Variants in PIK3R1 observed in about 807,000 individuals in gnomAD.
The protein encoded by PIK3R1 is phosphatidylinositol 3-kinase regulatory subunit alpha.
A neutral mutation model predicts 98.0 loss-of-function variants in PIK3R1; 29 were observed. That is an observed-to-expected ratio of 0.30 (90% confidence interval 0.22 to 0.40). PIK3R1 has a LOEUF of 0.40. Ranked by LOEUF, PIK3R1 falls within the 10% of genes least tolerant of loss-of-function variation. PIK3R1 has a pLI of 1.00. For synonymous variants in PIK3R1, 282 were observed against 311.8 expected, an observed-to-expected ratio of 0.90 and a Z score of 1.01; for missense variants, 596 against 872.7, an observed-to-expected ratio of 0.68 and a Z score of 3.99.
At chr5:68,282,439 T>C (rs34305) in intron 7 of PIK3R1, among the ~76,000 whole-genome samples, 91,899 of 151,878 alleles carry the variant, frequency 0.61, 29,260 homozygotes, top group Non-Finnish European at 0.69. Context: ...ATCTTTTCAG[T>C]GGCCACTCCT....
chr5:68,290,913 T>G, intron 7 of PIK3R1: 1 of 875,956 alleles, frequency 1.1e-6, no homozygotes, highest in Non-Finnish European at 1.7e-6. Flanking sequence ...TAAAAGATCC[T>G]TTTTGGATTT....
chr5:68,276,789 CAT>C (rs902212685), intron 4 of PIK3R1, among the ~76,000 whole-genome samples: 4 of 152,312 alleles, frequency 2.6e-5, no homozygotes, highest in Middle Eastern at 3.4e-3. Context: ...TGATATACCT[CAT>C]GTGTTGGAAA....
At position 68,261,920 on chromosome 5, in the gene PIK3R1, G is replaced by C. The variant is rs151321282; in HGVS notation, c.335-11470G>C. Among the ~76,000 whole-genome samples, 410 of 152,246 alleles carry C rather than the reference G, an allele frequency of 2.7e-3. 2 individuals carry two copies. The highest frequency in any genetic ancestry group is 9.5e-3 in the African/African-American group (394 of 41,538). ...CCTTTCTGCTGAAGACAGAAATGGT[G>C]CAACAGAGGAGTGGAGCATAGGTTA... On this transcript the variant is annotated intron_variant, in intron 2 of 15. Coordinates refer to ENST00000521381, the MANE Select transcript of PIK3R1 (RefSeq NM_181523.3).
chr5:68,275,622 G>T (rs1054421975), intron 4 of PIK3R1, among the ~76,000 whole-genome samples: 9 of 151,878 alleles, frequency 5.9e-5, no homozygotes, highest in Non-Finnish European at 1.3e-4. Context: ...TCCCCAGTGA[G>T]ATCAAAACAC....
chr5:68,287,668 G>T (rs944287489), intron 7 of PIK3R1, among the ~76,000 whole-genome samples: 8 of 152,168 alleles, frequency 5.3e-5, no homozygotes, highest in African/African-American at 1.9e-4. Context: ...CGCTTAGAAA[G>T]GTATGCCCTT....
At chr5:68,256,794 A>C (rs1173103536) in intron 2 of PIK3R1, among the ~76,000 whole-genome samples, 2 of 152,154 alleles carry the variant, frequency 1.3e-5, no homozygotes, top group Non-Finnish European at 2.9e-5. Context: ...GAAAGAAAAA[A>C]CAAGTGCTCA....
chr5:68,245,718 AGCAAT>A (rs2112043380), intron 2 of PIK3R1, among the ~76,000 whole-genome samples: 1 of 152,370 alleles, frequency 6.6e-6, no homozygotes, highest in African/African-American at 2.4e-5. Context: ...TTTAGACTTA[AGCAAT>A]GCATTTAAAC....
At chr5:68,293,044 T>C (rs2112250287) in intron 8 of PIK3R1, 57 bp from the exon 9 acceptor site, 2 of 1,405,660 alleles carry the variant, frequency 1.4e-6, no homozygotes, top group South Asian at 2.4e-5. Context: ...TTTTAAAAAA[T>C]ATAAATCTGT....
At chr5:68,259,983 CAAT>C (rs1240575998) in intron 2 of PIK3R1, among the ~76,000 whole-genome samples, 2 of 152,080 alleles carry the variant, frequency 1.3e-5, no homozygotes, top group Admixed American at 6.6e-5. Context: ...TGTACAATGA[CAAT>C]GATGATAGAA....
intron 2 of PIK3R1, among the ~76,000 whole-genome samples, chr5:68,245,197 CATAAGT>C (rs972420569): frequency 1.3e-5 from 2 of 152,168 alleles, no homozygotes; most frequent in African/African-American, 4.8e-5. Flanking sequence ...ACTTGAACTA[CATAAGT>C]ATATCAGCAA....
chr5:68,253,854 A>G (rs1365426799), intron 2 of PIK3R1, among the ~76,000 whole-genome samples: 4 of 152,188 alleles, frequency 2.6e-5, no homozygotes, highest in Non-Finnish European at 5.9e-5. Flanking sequence ...TTCTCTCAGC[A>G]CTTGACTAAG....
At chr5:68,232,408 G>A (rs992530583) in intron 2 of PIK3R1, among the ~76,000 whole-genome samples, 1 of 152,158 alleles carries the variant, frequency 6.6e-6, no homozygotes, top group East Asian at 1.9e-4. Context: ...CTTTTTGCAG[G>A]AGGGTTCTTA....
At chr5:68,278,922 T>A (rs831124) in intron 4 of PIK3R1, among the ~76,000 whole-genome samples, 89,980 of 151,960 alleles carry the variant, frequency 0.59, 27,711 homozygotes, top group Non-Finnish European at 0.67. Context: ...CAGCCTTGGC[T>A]ACAGAGTGAG....
chr5:68,275,191 T>G (rs774308108), intron 4 of PIK3R1, among the ~76,000 whole-genome samples: 1 of 152,242 alleles, frequency 6.6e-6, no homozygotes, highest in Admixed American at 6.5e-5. Context: ...ATCAGTTGCA[T>G]GCGAACAGAG....
chr5:68,245,794 T>C (rs1745061149), intron 2 of PIK3R1, among the ~76,000 whole-genome samples: 1 of 152,228 alleles, frequency 6.6e-6, no homozygotes, highest in African/African-American at 2.4e-5. Context: ...CAAGGACCAA[T>C]TTAAACAGTT....
intron 2 of PIK3R1, among the ~76,000 whole-genome samples, chr5:68,263,097 GTATATAGATACATACATAGA>G (rs1745951085): frequency 7.7e-6 from 1 of 130,042 alleles, no homozygotes; most frequent in Non-Finnish European, 1.7e-5. Flanking sequence ...GTAGATACAT[GTATATAGATACATACATAGA>G]TATATAGATA....
chr5:68,281,075 T>A lies in PIK3R1; in HGVS notation c.916+69T>A, dbSNP rs1580245789. On this transcript the variant is annotated intron_variant, in intron 7 of 15. Transcript: ENST00000521381. ...TTAGAGCCTTAAAAAATGATGGCTATAAACCTCCTTTGAAGTAACACAGCT... is the reference window on the plus strand; with the variant it reads ...TTAGAGCCTTAAAAAATGATGGCTAAAAACCTCCTTTGAAGTAACACAGCT... The A allele has an allele frequency of 1.0e-5, 10 of 983,406 alleles. No individual in the cohort carries two copies. The East Asian group carries it at 2.4e-4, about 24-fold the overall frequency. 60.9% of individuals were successfully genotyped at this position (983,406 alleles called of 1,614,324 possible). A position where few individuals can be genotyped will look rare whatever the true frequency, so the allele number is the denominator to read the frequency against.
At chr5:68,248,363 T>C (rs1376447294) in intron 2 of PIK3R1, among the ~76,000 whole-genome samples, 1 of 152,244 alleles carries the variant, frequency 6.6e-6, no homozygotes. Flanking sequence ...TAGATTTAAA[T>C]ATAAAACACT....
chr5:68,222,269 C>T (rs1001830989), intron 1 of PIK3R1, among the ~76,000 whole-genome samples: 1 of 151,946 alleles, frequency 6.6e-6, no homozygotes, highest in Admixed American at 6.5e-5. Flanking sequence ...CAGGTATTAC[C>T]AAATACCTCA....
Sources: allele counts gnomAD v4.1 joint callset (sites outside exome capture counted in the v4.1 genomes callset), GRCh38; gene constraint gnomAD v4.1.1; transcripts MANE v1.5; gene names NCBI Gene and HGNC (gene_info 2026-07-23, HGNC 2026-07-21).